The following TRIM2 variants were observed in gnomAD, a reference collection of about 807,000 sequenced individuals.
TRIM2 encodes the protein tripartite motif containing 2.
Under a neutral mutation model 75.2 loss-of-function variants are expected in TRIM2, and 20 were observed. That is an observed-to-expected ratio of 0.27 (90% confidence interval 0.19 to 0.39). The LOEUF is 0.39. TRIM2 is among the 10% of genes least tolerant of loss of function. TRIM2 has a pLI of 1.00. For synonymous variants in TRIM2, 373 were observed against 388.3 expected, an observed-to-expected ratio of 0.96 and a Z score of 0.46; for missense variants, 660 against 990.8, an observed-to-expected ratio of 0.67 and a Z score of 4.48.
At chr4:153,234,143 G>A (rs1023391951) in intron 1 of TRIM2, among the ~76,000 whole-genome samples, 1 of 152,200 alleles carries the variant, frequency 6.6e-6, no homozygotes, top group Non-Finnish European at 1.5e-5. Flanking sequence ...CTGCGGAAGA[G>A]CTAGCTTCCA....
chr4:153,337,991 T>G lies in TRIM2; in HGVS notation c.*3025T>G. On this transcript the variant is annotated 3_prime_UTR_variant, in exon 12 of 12. Transcript: ENST00000338700. ...ACAAGTCCTTTATGACTGTTTGCCA[T>G]TTTTTTTAATGGTACTTAGTATTTT... 1 of 984,380 alleles carries G rather than the reference T, an allele frequency of 1.0e-6. No individual in the cohort carries two copies. The highest frequency in any genetic ancestry group is 1.2e-6 in the Non-Finnish European group (1 of 828,972). The allele number at this position is 984,380 out of a possible 1,614,324, so 61.0% of individuals were successfully genotyped here.
At chr4:153,316,895 T>TTTTTTTTTTTTTG (rs1561004144) in intron 8 of TRIM2, among the ~76,000 whole-genome samples, 3 of 141,212 alleles carry the variant, frequency 2.1e-5, no homozygotes, top group African/African-American at 8.2e-5. Flanking sequence ...TTTTTTTTTT[T>TTTTTTTTTTTTTG]TTTGAGACGG....
At chr4:153,325,272 G>A (rs189693072) in intron 10 of TRIM2, among the ~76,000 whole-genome samples, 99 of 152,282 alleles carry the variant, frequency 6.5e-4, no homozygotes, top group Admixed American at 2.5e-3. Flanking sequence ...AGTGGGCTGC[G>A]GAAATGGGGT....
intron 6 of TRIM2, among the ~76,000 whole-genome samples, chr4:153,311,591 G>A (rs1332391025): frequency 6.6e-6 from 1 of 151,874 alleles, no homozygotes; most frequent in Non-Finnish European, 1.5e-5. Context: ...AAGCCTGGGT[G>A]CACTTTCAAT....
At chr4:153,199,268 C>G (rs1734079778) in intron 1 of TRIM2, among the ~76,000 whole-genome samples, 2 of 152,146 alleles carry the variant, frequency 1.3e-5, no homozygotes, top group African/African-American at 4.8e-5. Flanking sequence ...TTTCAACCTT[C>G]CAAGGGGTTT....
chr4:153,152,406 G>GTATATATATATA (rs1421478817), upstream of TRIM2: 3 of 33,594 alleles, frequency 8.9e-5, no homozygotes, highest in Non-Finnish European at 1.7e-4. Context: ...ATATATATGT[G>GTATATATATATA]TGTATATATA....
chr4:153,298,023 G>A (rs567452143), intron 6 of TRIM2, among the ~76,000 whole-genome samples: 1 of 152,242 alleles, frequency 6.6e-6, no homozygotes, highest in South Asian at 2.1e-4. Context: ...TCTTTCAGGA[G>A]TTTCCTGTGC....
intron 10 of TRIM2, chr4:153,324,527 T>A: frequency 4.5e-6 from 1 of 221,798 alleles, no homozygotes; most frequent in Non-Finnish European, 8.7e-6. Context: ...AAATTAGATG[T>A]TCGACTCTGT....
Position 153,337,552 on chromosome 4 carries a change from C to G in TRIM2, c.*2586C>G, listed in dbSNP as rs1772594897. ...ATTATATATGTTAAAGTATAGATAA[C>G]ATTTCACACTTGGATACATATGTGC... On this transcript the variant is annotated 3_prime_UTR_variant, in exon 12 of 12. Coordinates refer to ENST00000338700, the MANE Select transcript of TRIM2 (RefSeq NM_015271.5). 1.9e-5 allele frequency: 19 copies of G among 985,772 alleles called. No homozygotes were observed. Among genetic ancestry groups the G allele is most frequent in the Non-Finnish European group, 2.2e-5 (18 of 829,910 alleles). 61.1% of individuals were successfully genotyped at this position (985,772 alleles called of 1,614,324 possible). A position where few individuals can be genotyped will look rare whatever the true frequency, so the allele number is the denominator to read the frequency against.
At chr4:153,171,055 T>C (rs1730800507) in intron 1 of TRIM2, among the ~76,000 whole-genome samples, 1 of 152,208 alleles carries the variant, frequency 6.6e-6, no homozygotes, top group Non-Finnish European at 1.5e-5. Flanking sequence ...TTCCCTTTTT[T>C]AGTAAGGATG....
At chr4:153,307,304 A>T (rs1765223819) in intron 6 of TRIM2, among the ~76,000 whole-genome samples, 1 of 152,226 alleles carries the variant, frequency 6.6e-6, no homozygotes, top group Non-Finnish European at 1.5e-5. Flanking sequence ...AATAGTCTCA[A>T]ATTATTTAAT....
At chr4:153,202,432 C>T (rs999688415), upstream of TRIM2, among the ~76,000 whole-genome samples, 5 of 152,196 alleles carry the variant, frequency 3.3e-5, no homozygotes, top group Non-Finnish European at 5.9e-5. Context: ...CGCGTTGGCT[C>T]GTGCCTGTAA....
intron 1 of TRIM2, among the ~76,000 whole-genome samples, chr4:153,194,719 C>A (rs192648968): frequency 1.2e-4 from 18 of 152,268 alleles, no homozygotes; most frequent in African/African-American, 4.3e-4. Context: ...CAAATTTACA[C>A]TGTTTTCCCA....
At chr4:153,280,382 T>C (rs1759023907) in intron 3 of TRIM2, among the ~76,000 whole-genome samples, 1 of 110,350 alleles carries the variant, frequency 9.1e-6, no homozygotes, top group Non-Finnish European at 1.8e-5. Flanking sequence ...CCCAGCAAAT[T>C]CCTTTTTTTT....
chr4:153,277,231 G>GCTCTTTGTTTC (rs1239544029), intron 3 of TRIM2, among the ~76,000 whole-genome samples: 1 of 152,206 alleles, frequency 6.6e-6, no homozygotes, highest in Non-Finnish European at 1.5e-5. Context: ...TGCCTGGGTT[G>GCTCTTTGTTTC]CTCTTTGTTT....
chr4:153,166,513 TTTTCC>T (rs1730332013), intron 1 of TRIM2, among the ~76,000 whole-genome samples: 1 of 63,026 alleles, frequency 1.6e-5, no homozygotes, highest in Admixed American at 1.4e-4. Flanking sequence ...CCCTCTTTTC[TTTTCC>T]TTCCTTCCTT....
upstream of TRIM2, chr4:153,152,630 A>G (rs918201452): frequency 2.6e-5 from 4 of 151,950 alleles, no homozygotes; most frequent in Non-Finnish European, 5.9e-5. Flanking sequence ...TCTGTTGGCC[A>G]GGGTCCTGGG....
At chr4:153,166,630 C>T (rs1045449001) in intron 1 of TRIM2, among the ~76,000 whole-genome samples, 2 of 152,136 alleles carry the variant, frequency 1.3e-5, no homozygotes, top group East Asian at 3.9e-4. Flanking sequence ...ATTGCAACCT[C>T]ACCCTCAACC....
chr4:153,298,478 T>C (rs933624611), intron 6 of TRIM2, among the ~76,000 whole-genome samples: 1 of 152,184 alleles, frequency 6.6e-6, no homozygotes, highest in African/African-American at 2.4e-5. Context: ...TGTCTCTTCC[T>C]CTTCTTATAA....
Sources: allele counts gnomAD v4.1 joint callset (sites outside exome capture counted in the v4.1 genomes callset), GRCh38; gene constraint gnomAD v4.1.1; transcripts MANE v1.5; gene names NCBI Gene and HGNC (gene_info 2026-07-23, HGNC 2026-07-21).